The following ABCA12 variants were observed in gnomAD, a reference collection of about 807,000 sequenced individuals.
ABCA12 encodes ATP binding cassette subfamily A member 12, also known as glucosylceramide transporter ABCA12.
In ABCA12, 156 loss-of-function variants were observed where a neutral mutation model predicts 293.5. That is an observed-to-expected ratio of 0.53 (90% CI 0.47 to 0.61). The LOEUF (loss-of-function observed/expected upper bound fraction) is 0.61. Among genes scored for constraint, ABCA12 ranks in the 20% least tolerant of loss-of-function variants. ABCA12 has a pLI of 0.00. For synonymous variants in ABCA12, 1,063 were observed against 1,108.0 expected (o/e 0.96, Z 0.81); for missense variants, 2,797 against 3,090.2 (o/e 0.91, Z 2.25).
rs1699679605 is a variant in ABCA12, at chr2:214,982,081, G to C, written c.4579+106C>G. On this transcript the variant is annotated intron_variant, in intron 30 of 52. Transcript: ENST00000272895. ...CCTGTCTTGGCCTCCCAAAGTGCTG[G>C]GATTATAGGCGTGAGCCACTGCACC... 3.4e-6 allele frequency: 4 copies of C among 1,193,664 alleles called. No individual in the cohort carries two copies. In the South Asian group the frequency reaches 5.0e-5, roughly 15 times the overall value. The allele number at this position is 1,193,664 out of a possible 1,614,324, so 73.9% of individuals were successfully genotyped here.
intron 2 of ABCA12, among the ~76,000 whole-genome samples, chr2:215,104,631 T>C (rs1036504811): frequency 2.6e-5 from 4 of 152,210 alleles, no homozygotes; most frequent in African/African-American, 7.2e-5. Context: ...GGGTCAGTAA[T>C]GTTTCCCAAA....
At chr2:214,975,751 GA>G in intron 34 of ABCA12, 33 bp downstream of exon 34, 1 of 1,613,708 alleles carries the variant, frequency 6.2e-7, no homozygotes, top group Non-Finnish European at 8.5e-7. Context: ...AAGCATTTTG[GA>G]AACATTCTTT....
chr2:214,948,792 G>A, intron 46 of ABCA12, 55 bp from the exon 47 acceptor site: 1 of 1,608,794 alleles, frequency 6.2e-7, no homozygotes. Context: ...ATCCCTCCTG[G>A]TTCCCAAATG....
chr2:215,119,830 A>G (rs779708186), intron 1 of ABCA12, among the ~76,000 whole-genome samples: 7 of 152,058 alleles, frequency 4.6e-5, no homozygotes, highest in African/African-American at 7.2e-5. Context: ...TGATGGGAGT[A>G]TAAGTTAGTT....
intron 51 of ABCA12, 59 bp downstream of exon 51, chr2:214,937,451 G>A: frequency 7.3e-7 from 1 of 1,376,044 alleles, no homozygotes; most frequent in Non-Finnish European, 1.0e-6. Flanking sequence ...GCCCGCCTCG[G>A]ACTCCCAAAG....
intron 9 of ABCA12, among the ~76,000 whole-genome samples, chr2:215,031,505 G>A (rs750641790): frequency 2.6e-5 from 4 of 152,124 alleles, no homozygotes; most frequent in Non-Finnish European, 5.9e-5. Flanking sequence ...TGAAAGAAAA[G>A]TGTTGACAGC....
intron 2 of ABCA12, among the ~76,000 whole-genome samples, chr2:215,100,921 G>A (rs567711005): frequency 2.0e-5 from 3 of 152,340 alleles, no homozygotes; most frequent in African/African-American, 7.2e-5. Context: ...CCCTGGGCAT[G>A]TAACTTATCA....
chr2:215,107,021 A>C (rs921929349), intron 2 of ABCA12, among the ~76,000 whole-genome samples: 3 of 152,220 alleles, frequency 2.0e-5, no homozygotes, highest in Non-Finnish European at 4.4e-5. Context: ...TCATATTTGC[A>C]CAGTATGATT....
At chr2:214,986,393 C>A in intron 28 of ABCA12, 149 bp downstream of exon 28, 1 of 832,688 alleles carries the variant, frequency 1.2e-6, no homozygotes. Flanking sequence ...ATTTTGACTC[C>A]ATTCTATAGC....
intron 3 of ABCA12, among the ~76,000 whole-genome samples, chr2:215,061,996 T>A (rs1701537102): frequency 1.3e-5 from 2 of 152,054 alleles, no homozygotes; most frequent in African/African-American, 4.8e-5. Flanking sequence ...TTGTAAATGA[T>A]GGATATTAAT....
At chr2:214,954,201 C>G in intron 43 of ABCA12, 94 bp from the exon 44 acceptor site, 1 of 1,357,862 alleles carries the variant, frequency 7.4e-7, no homozygotes, top group Non-Finnish European at 1.0e-6. Flanking sequence ...AATAGTGAAA[C>G]CTAAAAAGCT....
At chr2:215,131,611 ATCTT>A (rs1482777511) in intron 1 of ABCA12, among the ~76,000 whole-genome samples, 3 of 149,314 alleles carry the variant, frequency 2.0e-5, no homozygotes, top group Non-Finnish European at 4.5e-5. Context: ...AATTATGTGA[ATCTT>A]TCTTTTTTCC....
intron 36 of ABCA12, among the ~76,000 whole-genome samples, chr2:214,972,231 A>AT (rs1357533871): frequency 1.1e-4 from 16 of 151,692 alleles, no homozygotes; most frequent in Admixed American, 1.1e-3. Context: ...ATACAGTATA[A>AT]TTTTTTTTCT....
At chr2:215,098,577 A>G (rs1412864642) in intron 2 of ABCA12, among the ~76,000 whole-genome samples, 1 of 152,200 alleles carries the variant, frequency 6.6e-6, no homozygotes, top group Non-Finnish European at 1.5e-5. Flanking sequence ...CATTTGTTCA[A>G]CAAATATTTG....
intron 1 of ABCA12, among the ~76,000 whole-genome samples, chr2:215,137,542 T>C (rs549803628): frequency 3.2e-4 from 48 of 152,202 alleles, no homozygotes; most frequent in Non-Finnish European, 4.9e-4. Context: ...CAAGAGAAGA[T>C]AGATTGTAGT....
At position 214,965,020 on chromosome 2, in the gene ABCA12, A is replaced by C. The variant is rs371423219; in HGVS notation, c.5884+1828T>G. On this transcript the variant is annotated intron_variant, in intron 39 of 52. Coordinates refer to ENST00000272895, the MANE Select transcript of ABCA12 (RefSeq NM_173076.3). ...ATCAAAAAAGCATGGTACTGGTACA[A>C]GAACAGACACATAGACCAATGGAAC... is the stretch of plus-strand genomic sequence containing the variant. Among the ~76,000 whole-genome samples the C allele has an allele frequency of 3.7e-4, 57 of 152,362 alleles. No individual in the cohort carries two copies. In the South Asian group the frequency reaches 6.4e-3, roughly 17 times the overall value.
At chr2:215,032,690 C>T (rs537612505) in intron 8 of ABCA12, 82 of 152,312 alleles carry the variant, frequency 5.4e-4, no homozygotes, top group African/African-American at 1.6e-3. Flanking sequence ...AAATCCAATA[C>T]TTTAATTCAG....
intron 34 of ABCA12, among the ~76,000 whole-genome samples, 195 bp from the exon 35 acceptor site, chr2:214,975,059 G>A (rs1482480049): frequency 6.6e-6 from 1 of 152,160 alleles, no homozygotes; most frequent in East Asian, 1.9e-4. Flanking sequence ...CAGCCTCCCG[G>A]GTTCAAGCGA....
chr2:214,968,117 G>A (rs1007260312), intron 38 of ABCA12, among the ~76,000 whole-genome samples: 1 of 152,064 alleles, frequency 6.6e-6, no homozygotes, highest in Non-Finnish European at 1.5e-5. Flanking sequence ...AGGTAATAAA[G>A]TATAGTGTTA....
Sources: gnomAD v4.1 joint callset for allele counts (sites outside exome capture counted in the v4.1 genomes callset) on GRCh38, gnomAD v4.1.1 for gene constraint, MANE v1.5 for transcripts, NCBI Gene and HGNC (gene_info 2026-07-23, HGNC 2026-07-21) for gene names.